Variants in COL5A1 observed in about 807,000 individuals in gnomAD.
COL5A1 encodes the protein collagen type V alpha 1 chain.
A neutral mutation model predicts 263.7 loss-of-function variants in COL5A1; 16 were observed. The observed-to-expected ratio is 0.06, with a 90% CI of 0.04 to 0.09. COL5A1 has a LOEUF of 0.09. Ranked by LOEUF, COL5A1 falls within the 10% of genes least tolerant of loss-of-function variation. COL5A1 has a pLI of 1.00. For synonymous variants in COL5A1, 1,012 were observed against 1,004.5 expected, an observed-to-expected ratio of 1.01 and a Z score of -0.14; for missense variants, 2,036 against 2,540.5, an observed-to-expected ratio of 0.80 and a Z score of 4.27.
intron 25 of COL5A1, among the ~76,000 whole-genome samples, chr9:134,772,516 G>C (rs763962361): frequency 6.6e-6 from 1 of 152,198 alleles, no homozygotes; most frequent in African/African-American, 2.4e-5. Flanking sequence ...CATACTCCCC[G>C]CAAGTCTCTG....
At chr9:134,736,887 C>T (rs775133748) in intron 9 of COL5A1, among the ~76,000 whole-genome samples, 24 of 152,240 alleles carry the variant, frequency 1.6e-4, no homozygotes, top group Non-Finnish European at 2.8e-4. Flanking sequence ...CAAAACCCCA[C>T]AGGACGAACC....
At chr9:134,782,568 G>A in intron 28 of COL5A1, 99 bp from the exon 29 acceptor site, 1 of 1,140,992 alleles carries the variant, frequency 8.8e-7, no homozygotes, top group Non-Finnish European at 1.3e-6. Context: ...CAAGCGTGGG[G>A]GACCTGGTGC....
Position 134,822,146 on chromosome 9 carries a change from T to C in COL5A1, c.4604T>C (p.Leu1535Pro). The C allele has an allele frequency of 6.6e-7, 1 of 1,519,526 alleles. No individual in the cohort carries two copies. The highest frequency in any genetic ancestry group is 1.1e-5 in the South Asian group (1 of 89,434). The allele number at this position is 1,519,526 out of a possible 1,614,324, so 94.1% of individuals were successfully genotyped here. The change falls in exon 59 of 66, where the codon CTG becomes CCG. Residue 1535 changes from leucine to proline, a missense_variant. Physicochemically the swap from Leu to Pro is moderately conservative, Grantham distance 98 (BLOSUM62 -3). Coordinates refer to ENST00000371817, the MANE Select transcript of COL5A1 (RefSeq NM_000093.5). ...ATTGGGCCTCCTGGGCCCCCTGGCC[T>C]GCCGGTGTGTATCTGGGAGGGGCTT... ...GPIGPPGPPG[L>P]PGPPGPKGAK...
chr9:134,823,290 C>T (rs1839098789), intron 60 of COL5A1, 126 bp from the exon 61 acceptor site: 4 of 1,112,814 alleles, frequency 3.6e-6, no homozygotes, highest in Admixed American at 3.4e-5. Context: ...CCATTCTCTT[C>T]TCTGCTGTGG....
Position 134,816,920 on chromosome 9 carries a change from G to A in COL5A1, c.4123-106G>A, listed in dbSNP as rs560036723. 565 of 1,026,660 alleles carry A rather than the reference G, an allele frequency of 5.5e-4. 1 individual carries two copies. The highest frequency in any genetic ancestry group is 7.8e-4 in the South Asian group (59 of 76,042). The allele number at this position is 1,026,660 out of a possible 1,614,324, so 63.6% of individuals were successfully genotyped here. A position where few individuals can be genotyped will look rare whatever the true frequency, so the allele number is the denominator to read the frequency against. ...GCCCCAAAAGAAGAGAGAGGCGGCCGCAGGGCTGGCCGAGGAGTAAATAGA... is the reference window on the plus strand; with the variant it reads ...GCCCCAAAAGAAGAGAGAGGCGGCCACAGGGCTGGCCGAGGAGTAAATAGA... On this transcript the variant is annotated intron_variant, in intron 52 of 65. Transcript: ENST00000371817.
intron 31 of COL5A1, among the ~76,000 whole-genome samples, chr9:134,788,638 T>C (rs139890205): frequency 0.026 from 3,851 of 149,148 alleles, 160 homozygotes; most frequent in East Asian, 0.17. Context: ...GATAGACAGA[T>C]AGATGGATAG....
chr9:134,662,637 C>G (rs1002042349), intron 1 of COL5A1, among the ~76,000 whole-genome samples: 1 of 152,204 alleles, frequency 6.6e-6, no homozygotes, highest in African/African-American at 2.4e-5. Context: ...GGAAGGGCCT[C>G]TGGGGGTTGT....
At chr9:134,694,621 T>C (rs754654688) in intron 2 of COL5A1, among the ~76,000 whole-genome samples, 5 of 152,180 alleles carry the variant, frequency 3.3e-5, no homozygotes, top group Non-Finnish European at 5.9e-5. Flanking sequence ...CCCAGCAGTC[T>C]GGGTTCTGGG....
Position 134,817,099 on chromosome 9 carries a change from C to CACCCTTGCTGTCAA in COL5A1, c.4176+21_4176+22insCCCTTGCTGTCAAA. The stretch of plus-strand genomic sequence containing the variant: ...AAAAGGGTAAATAATCCTGCAGGCA[C>CACCCTTGCTGTCAA]ATCCTTGCTGTCAAATCCCTGCATG... On this transcript the variant is annotated intron_variant, in intron 53 of 65. Coordinates refer to ENST00000371817, the MANE Select transcript of COL5A1 (RefSeq NM_000093.5). The CACCCTTGCTGTCAA allele has an allele frequency of 6.2e-7, 1 of 1,609,960 alleles. No homozygotes were observed. Among genetic ancestry groups the CACCCTTGCTGTCAA allele is most frequent in the Non-Finnish European group, 8.5e-7 (1 of 1,176,416 alleles).
At chr9:134,683,685 CCT>C (rs1408982420) in intron 1 of COL5A1, among the ~76,000 whole-genome samples, 1 of 152,168 alleles carries the variant, frequency 6.6e-6, no homozygotes, top group Non-Finnish European at 1.5e-5. Flanking sequence ...CCGGTCCTGC[CCT>C]GCATGCAAGG....
chr9:134,711,725 G>A (rs991044683), intron 4 of COL5A1, among the ~76,000 whole-genome samples: 2 of 152,058 alleles, frequency 1.3e-5, no homozygotes, highest in African/African-American at 4.8e-5. Context: ...ACGGCTTGGG[G>A]TCCCGGATAG....
chr9:134,643,913 C>T (rs565609674), intron 1 of COL5A1, among the ~76,000 whole-genome samples: 2 of 152,230 alleles, frequency 1.3e-5, no homozygotes, highest in Admixed American at 1.3e-4. Flanking sequence ...GGTTCCATTT[C>T]CCTCCCTGCC....
At chr9:134,810,170 C>A in intron 43 of COL5A1, 85 bp from the exon 44 acceptor site, 1 of 1,474,274 alleles carries the variant, frequency 6.8e-7, no homozygotes, top group Non-Finnish European at 9.5e-7. Flanking sequence ...TGTTCTTAAT[C>A]TCCAAGAAAA....
At chr9:134,717,970 G>T (rs936784905) in intron 4 of COL5A1, among the ~76,000 whole-genome samples, 16 of 152,076 alleles carry the variant, frequency 1.1e-4, no homozygotes, top group African/African-American at 3.9e-4. Context: ...CTGAGCATGC[G>T]ATTAGAGGGA....
intron 1 of COL5A1, among the ~76,000 whole-genome samples, chr9:134,675,130 T>G (rs1215782812): frequency 1.3e-5 from 2 of 152,220 alleles, no homozygotes; most frequent in Non-Finnish European, 2.9e-5. Context: ...ACATCTGCTT[T>G]CTTTCTATGT....
intron 51 of COL5A1, 134 bp downstream of exon 51, chr9:134,815,763 C>T (rs1303405944): frequency 7.3e-6 from 9 of 1,238,128 alleles, no homozygotes; most frequent in African/African-American, 3.0e-5. Context: ...AAAAGGCACT[C>T]GTGTTCCGGT....
At chr9:134,670,424 C>A (rs961182071) in intron 1 of COL5A1, among the ~76,000 whole-genome samples, 13 of 152,198 alleles carry the variant, frequency 8.5e-5, no homozygotes, top group African/African-American at 3.1e-4. Context: ...AGGTGTTAAA[C>A]CCAGGTGGAC....
Position 134,682,821 on chromosome 9 carries a change from G to C in COL5A1, c.110-8091G>C, listed in dbSNP as rs1050607748. Among the ~76,000 whole-genome samples the C allele has an allele frequency of 8.5e-5, 13 of 152,232 alleles. No homozygotes were observed. The highest frequency in any genetic ancestry group is 2.6e-4 in the Admixed American group (4 of 15,280). On this transcript the variant is annotated intron_variant, in intron 1 of 65. Transcript: ENST00000371817. This position sits in a 1 kb window ranked among gnomAD's most constrained non-coding sequence, Gnocchi z 5.1. Reference sequence around the variant, plus strand: ...TGGCAAAAAGGAGCAGGCTCTGATGGATCGCAAATGCCCAGCCTTTGGGAG... The same window carrying C: ...TGGCAAAAAGGAGCAGGCTCTGATGCATCGCAAATGCCCAGCCTTTGGGAG...
chr9:134,701,079 C>T (rs558556185), intron 3 of COL5A1, 92 bp from the exon 4 acceptor site: 2 of 1,339,128 alleles, frequency 1.5e-6, no homozygotes, highest in East Asian at 2.3e-5. Context: ...AGGAAGTGGG[C>T]CTTCTTCCTG....
Sources: allele counts gnomAD v4.1 joint callset (sites outside exome capture counted in the v4.1 genomes callset), GRCh38; gene constraint gnomAD v4.1.1; non-coding constraint Gnocchi (gnomAD v3.1); transcripts MANE v1.5; gene names NCBI Gene and HGNC (gene_info 2026-07-23, HGNC 2026-07-21).